The following RLIM variants were observed in gnomAD, a reference collection of about 807,000 sequenced individuals.
RLIM encodes E3 ubiquitin-protein ligase RLIM.
A neutral mutation model predicts 34.0 loss-of-function variants in RLIM; 2 were observed. The ratio of observed to expected loss-of-function variants is 0.06; its 90% CI spans 0.02 to 0.19. The LOEUF (loss-of-function observed/expected upper bound fraction) is 0.19, where lower values mean the gene tolerates loss of function less well. Ranked by LOEUF, RLIM falls within the 10% of genes least tolerant of loss-of-function variation. The pLI is 1.00. For synonymous variants in RLIM, 169 were observed against 164.0 expected, an observed-to-expected ratio of 1.03 and a Z score of -0.23; for missense variants, 286 against 479.7, an observed-to-expected ratio of 0.60 and a Z score of 3.77.
Position 74,583,634 on chromosome X carries a change from C to T in RLIM, c.*7806G>A. On this transcript the variant is annotated 3_prime_UTR_variant, in exon 4 of 4. Transcript: ENST00000332687. ...GCCCTAGGGCTGATTACAAGGTACACTTAAACTGCTAAAATGATAGTTCAT... is the reference window on the plus strand; with the variant it reads ...GCCCTAGGGCTGATTACAAGGTACATTTAAACTGCTAAAATGATAGTTCAT... 1 of 427,056 alleles carries T rather than the reference C, an allele frequency of 2.3e-6. No homozygotes were observed. The highest frequency in any genetic ancestry group is 4.1e-6 in the Non-Finnish European group (1 of 243,730). The allele number at this position is 427,056 out of a possible 1,213,427, so 35.2% of individuals were successfully genotyped here. A position where few individuals can be genotyped will look rare whatever the true frequency, so the allele number is the denominator to read the frequency against.
Position 74,592,250 on chromosome X carries a change from G to C in RLIM, c.1065C>G (p.Thr355=), listed in dbSNP as rs746583457. The change falls in exon 4 of 4, where the codon ACC becomes ACG. Residue 355 remains threonine (T), a synonymous_variant. Transcript: ENST00000332687. ...TAAAACCTCCTCGTTCACTTTCATAGGTGACAGTGTTGTTTGGTGTCTGAG... is the reference window on the plus strand; with the variant it reads ...TAAAACCTCCTCGTTCACTTTCATACGTGACAGTGTTGTTTGGTGTCTGAG... ...SRSQTPNNTV[T]YESERGGFRR... 2.1e-5 allele frequency: 26 copies of C among 1,209,874 alleles called. No individual in the cohort carries two copies. In the African/African-American group the frequency reaches 4.6e-4, roughly 21 times the overall value.
intron 1 of RLIM, among the ~76,000 whole-genome samples, chrX:74,606,744 A>G (rs1463095244): frequency 2.7e-5 from 3 of 111,783 alleles, no homozygotes; most frequent in African/African-American, 6.5e-5. Context: ...GGCATCCAAA[A>G]ATACTGTTAA....
intron 1 of RLIM, among the ~76,000 whole-genome samples, chrX:74,613,599 G>C (rs188186366): frequency 1.0e-4 from 11 of 106,138 alleles, no homozygotes; most frequent in Non-Finnish European, 1.9e-4. Flanking sequence ...TATGGCATGC[G>C]TGGCAGGTAC....
intron 1 of RLIM, among the ~76,000 whole-genome samples, chrX:74,613,827 G>C (rs2079723389): frequency 9.1e-6 from 1 of 110,000 alleles, no homozygotes; most frequent in African/African-American, 3.3e-5. Flanking sequence ...GGTTATTCGA[G>C]CAAGGGAGTA....
Position 74,583,610 on chromosome X carries a change from C to A in RLIM, c.*7830G>T. ...AAATAAAACACCTTGATACCGTTTG[C>A]CCTAGGGCTGATTACAAGGTACACT... On this transcript the variant is annotated 3_prime_UTR_variant, in exon 4 of 4. Transcript: ENST00000332687. The A allele has an allele frequency of 2.2e-6, 1 of 446,179 alleles. No homozygotes were observed. Among genetic ancestry groups the A allele is most frequent in the Non-Finnish European group, 4.0e-6 (1 of 252,870 alleles). The allele number at this position is 446,179 out of a possible 1,213,427, so 36.8% of individuals were successfully genotyped here. A position where few individuals can be genotyped will look rare whatever the true frequency, so the allele number is the denominator to read the frequency against.
At position 74,592,206 on chromosome X, in the gene RLIM, G is replaced by A. The variant is rs778391559; in HGVS notation, c.1109C>T (p.Ser370Phe). The A allele has an allele frequency of 8.3e-7, 1 of 1,211,910 alleles. No homozygotes were observed. Among genetic ancestry groups the A allele is most frequent in the Non-Finnish European group, 1.1e-6 (1 of 895,548 alleles). Residue 370 changes from serine (S) to phenylalanine (F), a missense_variant, in exon 4 of 4, where the codon TCT (serine) becomes TTT (phenylalanine). Transcript: ENST00000332687. ...RGGFRRTFSR[S>F]ERAGVRTYVS... ...ATAGGTTCTCACACCTGCCCGCTCA[G>A]AACGTGAAAATGTACGCCTAAAACC...
rs538649405 is a variant in RLIM at position 74,589,187 on chromosome X, T to C, written c.*2253A>G. 2 of 111,684 alleles carry C rather than the reference T, an allele frequency of 1.8e-5. No homozygotes were observed. The highest frequency in any genetic ancestry group is 6.5e-5 in the African/African-American group (2 of 30,773). The allele number at this position is 111,684 out of a possible 1,213,427, so 9.2% of individuals were successfully genotyped here. On this transcript the variant is annotated 3_prime_UTR_variant, in exon 4 of 4. Coordinates refer to ENST00000332687, the MANE Select transcript of RLIM (RefSeq NM_016120.4). ...GGAAGGTACCTGTTGTCAATAACTT[T>C]CTCTTATGCTTAGAATGTGCTGCAA...
rs1382850745 is a variant in RLIM, at chrX:74,590,673, ATG to A, written c.*765_*766del. On this transcript the variant is annotated 3_prime_UTR_variant, in exon 4 of 4. Transcript: ENST00000332687. ...AAAAGCAGTTTTCTCAGTTCTAAGC[ATG>A]GTACTTTACAATTTTTAATGCATTC... is the stretch of plus-strand genomic sequence containing the variant. The A allele has an allele frequency of 8.9e-6, 1 of 112,946 alleles. No homozygotes were observed. The highest frequency in any genetic ancestry group is 2.8e-4 in the East Asian group (1 of 3,622). 9.3% of individuals were successfully genotyped at this position (112,946 alleles called of 1,213,427 possible).
At chrX:74,607,086 G>C (rs1602169174) in intron 1 of RLIM, among the ~76,000 whole-genome samples, 1 of 105,047 alleles carries the variant, frequency 9.5e-6, no homozygotes, top group African/African-American at 3.5e-5. Context: ...AGGTTGCAGT[G>C]AACTCAGATC....
intron 1 of RLIM, among the ~76,000 whole-genome samples, chrX:74,603,875 C>G (rs755751680): frequency 1.8e-5 from 2 of 110,919 alleles, no homozygotes; most frequent in South Asian, 7.5e-4. Flanking sequence ...TTTGGGAGGC[C>G]GAGGTGGGCG....
intron 1 of RLIM, among the ~76,000 whole-genome samples, chrX:74,607,357 G>C (rs1205604753): frequency 8.9e-6 from 1 of 112,618 alleles, no homozygotes; most frequent in Non-Finnish European, 1.9e-5. Flanking sequence ...ACACAAAAAT[G>C]TGTCACACTG....
rs978107618 is a variant in RLIM at position 74,614,408 on chromosome X, A to C, written c.-24+14T>G. The C allele has an allele frequency of 2.7e-5, 3 of 111,915 alleles. No individual in the cohort carries two copies. The highest frequency in any genetic ancestry group is 4.6e-3 in the Middle Eastern group (1 of 218). 9.2% of individuals were successfully genotyped at this position (111,915 alleles called of 1,213,427 possible). On this transcript the variant is annotated intron_variant, in intron 1 of 3. Coordinates refer to ENST00000332687, the MANE Select transcript of RLIM (RefSeq NM_016120.4). ...CTACATCATTTCTCACAGGATTCCC[A>C]AGTCTTCACTTACTAGGTTTTAGGG...
rs1931246420 is a variant in RLIM, at chrX:74,583,009, T to C, written c.*8431A>G. 1.8e-6 allele frequency: 1 copy of C among 553,237 alleles called. No homozygotes were observed. Among genetic ancestry groups the C allele is most frequent in the Non-Finnish European group, 2.9e-6 (1 of 346,848 alleles). 45.6% of individuals were successfully genotyped at this position (553,237 alleles called of 1,213,427 possible). A position where few individuals can be genotyped will look rare whatever the true frequency, so the allele number is the denominator to read the frequency against. On this transcript the variant is annotated 3_prime_UTR_variant, in exon 4 of 4. Coordinates refer to ENST00000332687, the MANE Select transcript of RLIM (RefSeq NM_016120.4). ...CCTTCTTTTATATTTTGATATTTTT[T>C]TCCATATTTAAGTTTTTCGATGTTT...
In RLIM at chrX:74,583,595, C is replaced by A. The variant is rs1281171917; in HGVS notation, c.*7845G>T. The stretch of plus-strand genomic sequence containing the variant: ...TTTTGAGACTTCTGGAAATAAAACA[C>A]CTTGATACCGTTTGCCCTAGGGCTG... On this transcript the variant is annotated 3_prime_UTR_variant, in exon 4 of 4. Transcript: ENST00000332687. 1 of 466,746 alleles carries A rather than the reference C, an allele frequency of 2.1e-6. No individual in the cohort carries two copies. The highest frequency in any genetic ancestry group is 3.8e-6 in the Non-Finnish European group (1 of 262,923). The allele number at this position is 466,746 out of a possible 1,213,427, so 38.5% of individuals were successfully genotyped here.
In RLIM at chrX:74,589,557, T is replaced by C. The variant is rs2079603645; in HGVS notation, c.*1883A>G. 1 of 112,537 alleles carries C rather than the reference T, an allele frequency of 8.9e-6. No homozygotes were observed. The highest frequency in any genetic ancestry group is 3.6e-4 in the South Asian group (1 of 2,766). 9.3% of individuals were successfully genotyped at this position (112,537 alleles called of 1,213,427 possible). On this transcript the variant is annotated 3_prime_UTR_variant, in exon 4 of 4. Coordinates refer to ENST00000332687, the MANE Select transcript of RLIM (RefSeq NM_016120.4). ...CATATTTACAAGTTAATTTCCTTGA[T>C]ACTTAGATAGGATTGAAAGCCAGAA...
At position 74,592,516 on chromosome X, in the gene RLIM, G is replaced by A; in HGVS notation, c.799C>T (p.His267Tyr). Residue 267 changes from histidine to tyrosine, a missense_variant, in exon 4 of 4, where the codon CAC (histidine) becomes TAC (tyrosine). By Grantham distance (83) the His-to-Tyr change is moderately conservative. Coordinates refer to ENST00000332687, the MANE Select transcript of RLIM (RefSeq NM_016120.4). ...ATTTGCTGCCTCAATGTCACATGGT[G>A]CCGGGTTCTAGAACTTCCCTCCGTC... ...NETEGSSRTR[H>Y]HVTLRQQISG... The A allele has an allele frequency of 8.3e-7, 1 of 1,211,847 alleles. No homozygotes were observed. Among genetic ancestry groups the A allele is most frequent in the Non-Finnish European group, 1.1e-6 (1 of 895,507 alleles).
In RLIM at chrX:74,592,925, T is replaced by C. The variant is rs778771793; in HGVS notation, c.390A>G (p.Pro130=). The C allele has an allele frequency of 2.1e-5, 26 of 1,210,356 alleles. No individual in the cohort carries two copies. The East Asian group carries it at 7.4e-4, about 34-fold the overall frequency. The change falls in exon 4 of 4, where the codon CCA becomes CCG. Residue 130 remains proline (P), a synonymous_variant. Transcript: ENST00000332687. ...AACTGAATCTGAAATCACCACTGTT[T>C]GGATTAGTCCGACTCACTGCTCTCC... ...QSWRAVSRTN[P]NSGDFRFSLE...
At chrX:74,594,572 C>A (rs1189963533) in intron 2 of RLIM, among the ~76,000 whole-genome samples, 183 bp from the exon 3 acceptor site, 1 of 111,790 alleles carries the variant, frequency 8.9e-6, no homozygotes, top group African/African-American at 3.3e-5. Context: ...AAATTCACTT[C>A]TTTGGAAACA....
chrX:74,603,267 C>T (rs2079668639), intron 1 of RLIM, among the ~76,000 whole-genome samples: 1 of 110,513 alleles, frequency 9.0e-6, no homozygotes, highest in Non-Finnish European at 1.9e-5. Flanking sequence ...CTACCCCATA[C>T]TCCCCTCCCC....
Sources: allele counts gnomAD v4.1 joint callset (sites outside exome capture counted in the v4.1 genomes callset), GRCh38; gene constraint gnomAD v4.1.1; transcripts MANE v1.5; gene names NCBI Gene and HGNC (gene_info 2026-07-23, HGNC 2026-07-21).